SLC6A11: variants seen among roughly 807,000 people sequenced by gnomAD.
The protein encoded by SLC6A11 is sodium- and chloride-dependent GABA transporter 3.
A neutral mutation model predicts 74.8 loss-of-function variants in SLC6A11; 25 were observed. The observed-to-expected ratio is 0.33, with a 90% confidence interval of 0.24 to 0.47. SLC6A11 has a LOEUF of 0.47. Among genes scored for constraint, SLC6A11 ranks in the 20% least tolerant of loss-of-function variants. The pLI, the probability that SLC6A11 is intolerant of heterozygous loss-of-function variation, is 1.00. For missense variants in SLC6A11, 574 were observed against 837.0 expected (o/e 0.69, Z 3.88); for synonymous variants, 330 against 330.2 (o/e 1.00, Z 0.01).
At chr3:10,904,982 C>G (rs1262506226) in intron 6 of SLC6A11, among the ~76,000 whole-genome samples, 1 of 152,192 alleles carries the variant, frequency 6.6e-6, no homozygotes, top group East Asian at 1.9e-4. Flanking sequence ...AACATTAACT[C>G]AAGGTTTTCA....
rs1395406481 is a variant in SLC6A11, at chr3:10,834,691, A to T, written c.624-9523A>T. Among the ~76,000 whole-genome samples the T allele has an allele frequency of 2.6e-5, 4 of 152,188 alleles. No homozygotes were observed. The East Asian group carries it at 7.7e-4, about 29-fold the overall frequency. ...ACTAAGGGGCAGATGGAAGACATGCAGGATGGGGGAGAAGCGCCAGAGCTG... is the reference window on the plus strand; with the variant it reads ...ACTAAGGGGCAGATGGAAGACATGCTGGATGGGGGAGAAGCGCCAGAGCTG... On this transcript the variant is annotated intron_variant, in intron 4 of 13. Coordinates refer to ENST00000254488, the MANE Select transcript of SLC6A11 (RefSeq NM_014229.3).
At chr3:10,822,622 T>C (rs563953710) in intron 3 of SLC6A11, among the ~76,000 whole-genome samples, 318 of 152,134 alleles carry the variant, frequency 2.1e-3, no homozygotes, top group African/African-American at 7.2e-3. Flanking sequence ...CTCCTGGAGA[T>C]GGGGTTAAGG....
Position 10,918,318 on chromosome 3 carries a change from C to T in SLC6A11, c.996-11C>T, listed in dbSNP as rs768930729. ...GCTCTGACCCTAGTGCCTCTCGCTG[C>T]TTCCCCACAGGGACTGCATCATGCT... is the stretch of plus-strand genomic sequence containing the variant. On this transcript the variant is annotated splice_polypyrimidine_tract_variant and intron_variant, in intron 7 of 13. Transcript: ENST00000254488. The surrounding 1 kb of genome is among the most constrained non-coding windows in gnomAD (Gnocchi z 4.5). The T allele has an allele frequency of 6.3e-7, 1 of 1,575,074 alleles. No homozygotes were observed. Among genetic ancestry groups the T allele is most frequent in the Non-Finnish European group, 8.6e-7 (1 of 1,163,234 alleles).
chr3:10,929,361 G>T (rs41295968), intron 10 of SLC6A11, 22 bp downstream of exon 10: 1 of 1,611,472 alleles, frequency 6.2e-7, no homozygotes, highest in South Asian at 1.1e-5. Context: ...GGTTCGGGCC[G>T]CACGGGGTGA....
chr3:10,865,953 C>G (rs1419750772), intron 5 of SLC6A11, among the ~76,000 whole-genome samples: 1 of 152,200 alleles, frequency 6.6e-6, no homozygotes, highest in African/African-American at 2.4e-5. Context: ...ACAGGACCCA[C>G]CCAAGATCAC....
At chr3:10,839,534 C>A (rs1694410722) in intron 4 of SLC6A11, among the ~76,000 whole-genome samples, 1 of 152,212 alleles carries the variant, frequency 6.6e-6, no homozygotes, top group South Asian at 2.1e-4. Flanking sequence ...CCACTCCTTC[C>A]CTGCTTCTCC....
chr3:10,884,555 C>A (rs1695020368), intron 6 of SLC6A11, among the ~76,000 whole-genome samples: 1 of 152,162 alleles, frequency 6.6e-6, no homozygotes, highest in Non-Finnish European at 1.5e-5. Flanking sequence ...GCAGCTGAAC[C>A]CAGGTGAGTC....
intron 5 of SLC6A11, among the ~76,000 whole-genome samples, chr3:10,873,382 A>ATT (rs1458038877): frequency 1.8e-5 from 2 of 112,638 alleles, no homozygotes; most frequent in African/African-American, 6.8e-5. Context: ...CACCTTCATT[A>ATT]TTGTATCCTA....
intron 6 of SLC6A11, among the ~76,000 whole-genome samples, chr3:10,881,818 T>TG (rs957750063): frequency 6.6e-6 from 1 of 152,210 alleles, no homozygotes; most frequent in African/African-American, 2.4e-5. Context: ...TTTAGCCCTG[T>TG]GGCCCGTCCA....
chr3:10,925,908 G>A (rs991105904), intron 8 of SLC6A11, 96 bp from the exon 9 acceptor site: 14 of 721,494 alleles, frequency 1.9e-5, no homozygotes, highest in Non-Finnish European at 3.2e-5. Context: ...ACAGTGCCTG[G>A]CGCAGAGGAG....
At position 10,938,449 on chromosome 3, in the gene SLC6A11, T is replaced by A. The variant is rs947970316; in HGVS notation, c.*47T>A. The A allele has an allele frequency of 2.6e-6, 4 of 1,536,216 alleles. No individual in the cohort carries two copies. Among genetic ancestry groups the A allele is most frequent in the Non-Finnish European group, 3.5e-6 (4 of 1,132,702 alleles). On this transcript the variant is annotated 3_prime_UTR_variant, in exon 14 of 14. Coordinates refer to ENST00000254488, the MANE Select transcript of SLC6A11 (RefSeq NM_014229.3). The stretch of plus-strand genomic sequence containing the variant: ...CTCTTCTTCCTTTCTTCCCCCCGTG[T>A]ATGTAAATGAATTCCTGAACCCCAT...
chr3:10,881,378 T>C (rs1490334000), intron 6 of SLC6A11, among the ~76,000 whole-genome samples: 4 of 152,198 alleles, frequency 2.6e-5, no homozygotes. Flanking sequence ...ATAACGCCAC[T>C]ACACTCCAGC....
At chr3:10,889,897 G>A (rs1695088328) in intron 6 of SLC6A11, among the ~76,000 whole-genome samples, 1 of 152,192 alleles carries the variant, frequency 6.6e-6, no homozygotes. Flanking sequence ...CCATGCCAGG[G>A]GGGAGAGAGA....
chr3:10,889,915 G>A (rs1298640817), intron 6 of SLC6A11, among the ~76,000 whole-genome samples: 6 of 151,964 alleles, frequency 3.9e-5, no homozygotes, highest in Non-Finnish European at 8.8e-5. Flanking sequence ...AGAGAGAGAG[G>A]ATCACTTCAG....
At chr3:10,887,555 C>G (rs1695060182) in intron 6 of SLC6A11, among the ~76,000 whole-genome samples, 1 of 152,134 alleles carries the variant, frequency 6.6e-6, no homozygotes, top group Admixed American at 6.5e-5. Context: ...AAGTGATTCT[C>G]CTGCCTCAGC....
intron 6 of SLC6A11, among the ~76,000 whole-genome samples, chr3:10,901,266 G>A (rs1222978133): frequency 6.6e-6 from 1 of 152,204 alleles, no homozygotes; most frequent in Non-Finnish European, 1.5e-5. Flanking sequence ...ATTAAGGGGA[G>A]GCCAACTGCC....
At chr3:10,879,216 C>T (rs182141790) in intron 6 of SLC6A11, among the ~76,000 whole-genome samples, 9 of 152,252 alleles carry the variant, frequency 5.9e-5, no homozygotes, top group Admixed American at 2.6e-4. Context: ...TCTCTGTCAG[C>T]GATGGCTAGG....
intron 5 of SLC6A11, among the ~76,000 whole-genome samples, chr3:10,854,693 C>T (rs887504640): frequency 6.6e-6 from 1 of 152,174 alleles, no homozygotes; most frequent in Non-Finnish European, 1.5e-5. Context: ...AGCCAAGACG[C>T]GGATGCAGAT....
intron 5 of SLC6A11, among the ~76,000 whole-genome samples, chr3:10,861,540 A>G (rs1694703277): frequency 6.6e-6 from 1 of 152,176 alleles, no homozygotes; most frequent in South Asian, 2.1e-4. Flanking sequence ...AACAAAAAAA[A>G]GCAGGAAGTA....
Sources: allele counts gnomAD v4.1 joint callset (sites outside exome capture counted in the v4.1 genomes callset), GRCh38; gene constraint gnomAD v4.1.1; non-coding constraint Gnocchi (gnomAD v3.1); transcripts MANE v1.5; gene names NCBI Gene and HGNC (gene_info 2026-07-23, HGNC 2026-07-21).